The following CAPZB variants were observed in gnomAD, a reference collection of about 807,000 sequenced individuals.
The protein encoded by CAPZB is capping actin protein of muscle Z-line subunit beta, also known as F-actin-capping protein subunit beta.
In CAPZB, 2 loss-of-function variants were observed where a neutral mutation model predicts 38.1. That is an observed-to-expected ratio of 0.05 (90% confidence interval 0.02 to 0.17). The LOEUF (loss-of-function observed/expected upper bound fraction) is 0.17. Ranked by LOEUF, CAPZB falls within the 10% of genes least tolerant of loss-of-function variation. The probability of loss-of-function intolerance (pLI) is 1.00; values close to 1 mark genes in which losing one functional copy is unlikely to be tolerated. For missense variants in CAPZB, 161 were observed against 334.2 expected (o/e 0.48, Z 4.04); for synonymous variants, 107 against 127.4 (o/e 0.84, Z 1.08).
At chr1:19,399,415 T>C (rs115323592) in intron 2 of CAPZB, among the ~76,000 whole-genome samples, 1,578 of 152,244 alleles carry the variant, frequency 0.01, 29 homozygotes, top group African/African-American at 0.036. Context: ...TCAGGAACCA[T>C]GGGCAGTGTT....
chr1:19,422,880 C>T (rs1322291206), intron 1 of CAPZB, among the ~76,000 whole-genome samples: 13 of 152,160 alleles, frequency 8.5e-5, no homozygotes, highest in Non-Finnish European at 1.5e-4. Flanking sequence ...TAATTTGAAA[C>T]GGTGATCCAG....
intron 8 of CAPZB, among the ~76,000 whole-genome samples, chr1:19,342,033 C>T (rs2093932045): frequency 6.6e-6 from 1 of 152,238 alleles, no homozygotes. Flanking sequence ...ACATCTGGAT[C>T]TGTCACAAGC....
At chr1:19,351,121 TA>T (rs1323151724) in intron 6 of CAPZB, among the ~76,000 whole-genome samples, 1 of 151,830 alleles carries the variant, frequency 6.6e-6, no homozygotes, top group Non-Finnish European at 1.5e-5. Context: ...TAGCTGAGAT[TA>T]CAGGTGCATG....
intron 1 of CAPZB, among the ~76,000 whole-genome samples, chr1:19,442,721 C>A (rs1382263364): frequency 6.6e-6 from 1 of 152,140 alleles, no homozygotes; most frequent in African/African-American, 2.4e-5. Context: ...AACACAGGGT[C>A]CTCAAAAATC....
At chr1:19,444,238 T>C (rs1292038696) in intron 1 of CAPZB, among the ~76,000 whole-genome samples, 2 of 152,124 alleles carry the variant, frequency 1.3e-5, no homozygotes, top group Middle Eastern at 3.2e-3. Flanking sequence ...GAGGCAGGTG[T>C]GTCTCTGGCC....
chr1:19,361,733 T>C (rs58099407), intron 4 of CAPZB, among the ~76,000 whole-genome samples: 7 of 152,356 alleles, frequency 4.6e-5, no homozygotes, highest in African/African-American at 1.4e-4. Flanking sequence ...ATAAAGGCTT[T>C]TGTGGGTATT....
intron 1 of CAPZB, among the ~76,000 whole-genome samples, chr1:19,445,890 A>G (rs1386460278): frequency 3.3e-5 from 5 of 152,232 alleles, no homozygotes. Flanking sequence ...TGAAAAAAGA[A>G]CAAAACAACC....
chr1:19,385,296 G>A (rs555402147), intron 3 of CAPZB, among the ~76,000 whole-genome samples: 4 of 152,292 alleles, frequency 2.6e-5, no homozygotes, highest in Admixed American at 1.3e-4. Context: ...CTCTTCAAAC[G>A]TCTGCTGCAT....
chr1:19,394,336 G>A (rs2094254357), intron 2 of CAPZB, among the ~76,000 whole-genome samples: 1 of 152,222 alleles, frequency 6.6e-6, no homozygotes, highest in Non-Finnish European at 1.5e-5. Context: ...TCCTGTGAAG[G>A]CTGTAAGTTG....
chr1:19,363,933 G>A (rs964708320), intron 4 of CAPZB, among the ~76,000 whole-genome samples: 1 of 152,186 alleles, frequency 6.6e-6, no homozygotes, highest in African/African-American at 2.4e-5. Context: ...CTGGGAGCAG[G>A]GCTTTCCAGC....
rs568924394 is a variant in CAPZB, at chr1:19,392,058, C to T, written c.94-6432G>A. On this transcript the variant is annotated intron_variant, in intron 2 of 8. Coordinates refer to ENST00000264202, the MANE Select transcript of CAPZB (RefSeq NM_004930.5). The stretch of plus-strand genomic sequence containing the variant: ...ATTAGCCAGGTGTGGTGGTGCATGC[C>T]TATAATCCCAGCTACTCAGGAGGCC... 5.9e-5 allele frequency among the ~76,000 whole-genome samples: 9 copies of T among 152,176 alleles called. No individual in the cohort carries two copies. In the South Asian group the frequency reaches 1.9e-3, roughly 32 times the overall value.
chr1:19,449,514 G>C (rs1034318825), intron 1 of CAPZB, among the ~76,000 whole-genome samples: 1 of 152,144 alleles, frequency 6.6e-6, no homozygotes, highest in Admixed American at 6.5e-5. Context: ...CTGGCTGGGG[G>C]CTGTGGCCCA....
intron 4 of CAPZB, among the ~76,000 whole-genome samples, chr1:19,368,529 C>T (rs952784266): frequency 7.4e-5 from 11 of 148,738 alleles, no homozygotes; most frequent in Admixed American, 1.3e-4. Context: ...GGAGAGAGTC[C>T]GAGTTAAAAA....
intron 1 of CAPZB, among the ~76,000 whole-genome samples, chr1:19,452,957 C>A (rs1234211565): frequency 6.6e-6 from 1 of 152,018 alleles, no homozygotes; most frequent in African/African-American, 2.4e-5. Flanking sequence ...GCACCTGTCA[C>A]CATGCCCAAC....
chr1:19,442,802 G>C (rs753980472), intron 1 of CAPZB, among the ~76,000 whole-genome samples: 10 of 152,126 alleles, frequency 6.6e-5, no homozygotes, highest in Non-Finnish European at 1.0e-4. Context: ...AGGCTCCCTA[G>C]AATCTCCAAC....
intron 1 of CAPZB, chr1:19,484,594 A>AC: frequency 8.2e-7 from 1 of 1,218,198 alleles, no homozygotes; most frequent in South Asian, 1.6e-5. Context: ...CACCGGGACC[A>AC]CCCCATCCCT....
At chr1:19,461,433 C>A (rs1000288106) in intron 1 of CAPZB, among the ~76,000 whole-genome samples, 2 of 152,230 alleles carry the variant, frequency 1.3e-5, no homozygotes, top group Non-Finnish European at 2.9e-5. Flanking sequence ...GAGCTTCACC[C>A]AGCCTGAGCT....
At chr1:19,372,131 T>C (rs1371068826) in intron 4 of CAPZB, among the ~76,000 whole-genome samples, 1 of 152,212 alleles carries the variant, frequency 6.6e-6, no homozygotes, top group East Asian at 1.9e-4. Flanking sequence ...CTTTTGAAGA[T>C]TATCTCAGAA....
chr1:19,412,188 A>C (rs1347628875), intron 2 of CAPZB, among the ~76,000 whole-genome samples: 1 of 152,232 alleles, frequency 6.6e-6, no homozygotes, highest in Admixed American at 6.5e-5. Flanking sequence ...GAATACGCTC[A>C]GAAACATCAG....
Sources: gnomAD v4.1 joint callset for allele counts (sites outside exome capture counted in the v4.1 genomes callset) on GRCh38, gnomAD v4.1.1 for gene constraint, MANE v1.5 for transcripts, NCBI Gene and HGNC (gene_info 2026-07-23, HGNC 2026-07-21) for gene names.